Variants in MAGI2 observed in about 807,000 individuals in gnomAD.
The protein encoded by MAGI2 is membrane associated guanylate kinase, WW and PDZ domain containing 2.
A neutral mutation model predicts 133.3 loss-of-function variants in MAGI2; 35 were observed. The observed-to-expected ratio is 0.26, with a 90% CI of 0.20 to 0.35. MAGI2 has a LOEUF of 0.35. MAGI2 is among the 10% of genes least tolerant of loss of function. The probability of loss-of-function intolerance (pLI) is 1.00; values close to 1 mark genes in which losing one functional copy is unlikely to be tolerated. For synonymous variants in MAGI2, 729 were observed against 710.6 expected (o/e 1.03, Z -0.41); for missense variants, 1,636 against 1,863.4 (o/e 0.88, Z 2.25).
At chr7:79,111,015 A>T (rs1001579084) in intron 1 of MAGI2, among the ~76,000 whole-genome samples, 2 of 152,180 alleles carry the variant, frequency 1.3e-5, no homozygotes, top group Non-Finnish European at 2.9e-5. Context: ...CCCAGAAGCC[A>T]AGCAGATGCC....
chr7:78,421,234 T>C (rs1222421332), intron 6 of MAGI2, among the ~76,000 whole-genome samples: 2 of 152,114 alleles, frequency 1.3e-5, no homozygotes, highest in African/African-American at 2.4e-5. Context: ...CATAAAAAGA[T>C]GAAAAGAATA....
chr7:79,151,542 A>G (rs570071413), intron 1 of MAGI2, among the ~76,000 whole-genome samples: 1 of 152,298 alleles, frequency 6.6e-6, no homozygotes, highest in African/African-American at 2.4e-5. Flanking sequence ...CTATCATTAA[A>G]ATTAGGTCCT....
Position 79,378,964 on chromosome 7 carries a change from ATATATATT to A in MAGI2, c.301+74048_301+74055del, listed in dbSNP as rs1372949875. On this transcript the variant is annotated intron_variant, in intron 1 of 21. Coordinates refer to ENST00000354212, the MANE Select transcript of MAGI2 (RefSeq NM_012301.4). ...TATATATATATATATATATATATAT[ATATATATT>A]AAACTTTAAGTTCTAGGGTACATGT... Among the ~76,000 whole-genome samples the A allele has an allele frequency of 6.6e-3, 552 of 83,208 alleles. 2 individuals are homozygous for A. Among genetic ancestry groups the A allele is most frequent in the African/African-American group, 0.025 (524 of 21,376 alleles). 54.6% of individuals were successfully genotyped at this position (83,208 alleles called of 152,430 possible).
intron 2 of MAGI2, among the ~76,000 whole-genome samples, chr7:78,917,732 G>A (rs529046338): frequency 3.9e-5 from 6 of 152,138 alleles, no homozygotes; most frequent in South Asian, 2.1e-4. Flanking sequence ...GACAGACACC[G>A]GCCATAAATT....
At chr7:78,831,440 C>T (rs917476247) in intron 2 of MAGI2, among the ~76,000 whole-genome samples, 1 of 151,480 alleles carries the variant, frequency 6.6e-6, no homozygotes, top group Non-Finnish European at 1.5e-5. Flanking sequence ...CTCTCTCTGT[C>T]ACCCAGGCTG....
intron 2 of MAGI2, among the ~76,000 whole-genome samples, chr7:78,652,886 C>T (rs1288132470): frequency 6.6e-6 from 1 of 151,882 alleles, no homozygotes; most frequent in East Asian, 1.9e-4. Context: ...ATCTAACCAT[C>T]TGACAAAGGG....
chr7:78,697,990 G>T (rs962339604), intron 2 of MAGI2, among the ~76,000 whole-genome samples: 1 of 152,062 alleles, frequency 6.6e-6, no homozygotes, highest in African/African-American at 2.4e-5. Context: ...ATGTTAGGAG[G>T]ACTATTAAGA....
chr7:78,126,604 G>A (rs762632304), intron 19 of MAGI2, among the ~76,000 whole-genome samples: 4 of 152,224 alleles, frequency 2.6e-5, no homozygotes, highest in African/African-American at 9.6e-5. Flanking sequence ...GAATCTCAGA[G>A]AAGTTAAGGA....
At chr7:79,103,913 G>C (rs1467801074) in intron 1 of MAGI2, among the ~76,000 whole-genome samples, 1 of 152,006 alleles carries the variant, frequency 6.6e-6, no homozygotes, top group African/African-American at 2.4e-5. Context: ...ACGTTAGCCA[G>C]GATGGTCTCG....
At chr7:78,362,660 A>C (rs564135531) in intron 7 of MAGI2, among the ~76,000 whole-genome samples, 7 of 152,352 alleles carry the variant, frequency 4.6e-5, no homozygotes, top group African/African-American at 1.7e-4. Context: ...AGTTAAGGTC[A>C]AATAAGTTAA....
At chr7:79,068,123 A>T (rs1160459922) in intron 1 of MAGI2, among the ~76,000 whole-genome samples, 1 of 152,184 alleles carries the variant, frequency 6.6e-6, no homozygotes, top group East Asian at 1.9e-4. Context: ...GCCTCATAAA[A>T]TGAGTTGGGA....
chr7:78,984,005 A>G (rs1805018158), intron 2 of MAGI2, among the ~76,000 whole-genome samples: 1 of 152,022 alleles, frequency 6.6e-6, no homozygotes, highest in African/African-American at 2.4e-5. Flanking sequence ...AGGCAACTCA[A>G]ATTTAATATT....
At chr7:79,045,293 G>A (rs1037622810) in intron 1 of MAGI2, among the ~76,000 whole-genome samples, 4 of 152,070 alleles carry the variant, frequency 2.6e-5, no homozygotes, top group Admixed American at 2.6e-4. Flanking sequence ...CTAGGTTTGT[G>A]GTTACATGTG....
chr7:79,323,117 A>C (rs758169541), intron 1 of MAGI2, among the ~76,000 whole-genome samples: 1 of 152,046 alleles, frequency 6.6e-6, no homozygotes, highest in Non-Finnish European at 1.5e-5. Context: ...GGATTGAGCC[A>C]CTGTGCCTGG....
chr7:78,557,048 G>A lies in MAGI2; in HGVS notation c.539-35403C>T, dbSNP rs759555207. On this transcript the variant is annotated intron_variant, in intron 3 of 21. Coordinates refer to ENST00000354212, the MANE Select transcript of MAGI2 (RefSeq NM_012301.4). ...GGAGCTTGCAGTGAGCTGAGATAGT[G>A]CCACTATACTCCAGCCTGGGTGGCA... Among the ~76,000 whole-genome samples, 91 of 127,674 alleles carry A rather than the reference G, an allele frequency of 7.1e-4. 1 individual carries two copies. The highest frequency in any genetic ancestry group is 2.8e-3 in the African/African-American group (88 of 31,170). The allele number at this position is 127,674 out of a possible 152,430, so 83.8% of individuals were successfully genotyped here.
chr7:79,125,567 G>C (rs1041294555), intron 1 of MAGI2: 1 of 507,476 alleles, frequency 2.0e-6, no homozygotes, highest in African/African-American at 1.9e-5. Flanking sequence ...TATAACAGCT[G>C]TATCAGTGGA....
chr7:78,969,427 T>C (rs2115945494), intron 2 of MAGI2, among the ~76,000 whole-genome samples: 1 of 152,190 alleles, frequency 6.6e-6, no homozygotes, highest in East Asian at 1.9e-4. Flanking sequence ...AAATTTTCCG[T>C]TCCTTAACCC....
chr7:79,171,418 A>G lies in MAGI2; in HGVS notation c.302-164212T>C, dbSNP rs1019354995. Among the ~76,000 whole-genome samples, 11 of 151,866 alleles carry G rather than the reference A, an allele frequency of 7.2e-5. No individual in the cohort carries two copies. The South Asian group carries it at 1.0e-3, about 14-fold the overall frequency. On this transcript the variant is annotated intron_variant, in intron 1 of 21. Coordinates refer to ENST00000354212, the MANE Select transcript of MAGI2 (RefSeq NM_012301.4). The stretch of plus-strand genomic sequence containing the variant: ...AAATAATTATGTTTCCAATGACCCA[A>G]TTTCCAATAAGCTCATATTATTCTA...
At chr7:78,728,036 ATAGT>A (rs369333730) in intron 2 of MAGI2, among the ~76,000 whole-genome samples, 18 of 152,164 alleles carry the variant, frequency 1.2e-4, no homozygotes, top group South Asian at 1.0e-3. Context: ...TTTAGATATG[ATAGT>A]TAGGGAATGC....
Sources: gnomAD v4.1 joint callset for allele counts (sites outside exome capture counted in the v4.1 genomes callset) on GRCh38, gnomAD v4.1.1 for gene constraint, MANE v1.5 for transcripts, NCBI Gene and HGNC (gene_info 2026-07-23, HGNC 2026-07-21) for gene names.